ACVR2A: variants seen among roughly 807,000 people sequenced by gnomAD.
The protein encoded by ACVR2A is activin receptor type-2A.
Under a neutral mutation model 61.4 loss-of-function variants are expected in ACVR2A, and 7 were observed. That is an observed-to-expected ratio of 0.11 (90% CI 0.06 to 0.21). The LOEUF is 0.21. Ranked by LOEUF, ACVR2A falls within the 10% of genes least tolerant of loss-of-function variation. The pLI, the probability that ACVR2A is intolerant of heterozygous loss-of-function variation, is 1.00. For synonymous variants in ACVR2A, 193 were observed against 208.3 expected, an observed-to-expected ratio of 0.93 and a Z score of 0.63; for missense variants, 322 against 621.7, an observed-to-expected ratio of 0.52 and a Z score of 5.13.
At chr2:147,901,991 T>G (rs1686880767) in intron 4 of ACVR2A, among the ~76,000 whole-genome samples, 1 of 152,032 alleles carries the variant, frequency 6.6e-6, no homozygotes, top group Admixed American at 6.6e-5. Context: ...CATCAAGCAT[T>G]TATTGAGCAT....
chr2:147,917,228 G>C (rs3764955), intron 5 of ACVR2A, 55 bp from the exon 6 acceptor site: 462,239 of 1,541,212 alleles, frequency 0.3, 72,097 homozygotes, highest in East Asian at 0.45. Context: ...TCTTATGCAT[G>C]GTTTATTAAA....
rs888172134 is a variant in ACVR2A, at chr2:147,930,138, A to G, written c.*2864A>G. 6.6e-6 allele frequency: 1 copy of G among 152,480 alleles called. No individual in the cohort carries two copies. The highest frequency in any genetic ancestry group is 1.5e-5 in the Non-Finnish European group (1 of 67,994). 9.4% of individuals were successfully genotyped at this position (152,480 alleles called of 1,614,324 possible). A position where few individuals can be genotyped will look rare whatever the true frequency, so the allele number is the denominator to read the frequency against. On this transcript the variant is annotated 3_prime_UTR_variant, in exon 11 of 11. Transcript: ENST00000241416. The stretch of plus-strand genomic sequence containing the variant: ...TTAGTCCCATGAACTTGCACTATCT[A>G]TCTTTCATGGTGATGTTTTGAAAAT...
rs1231953490 is a variant in ACVR2A at position 147,875,318 on chromosome 2, A to G, written c.56-20983A>G. Among the ~76,000 whole-genome samples the G allele has an allele frequency of 2.0e-5, 3 of 152,144 alleles. No homozygotes were observed. The East Asian group carries it at 5.8e-4, about 29-fold the overall frequency. On this transcript the variant is annotated intron_variant, in intron 1 of 10. Coordinates refer to ENST00000241416, the MANE Select transcript of ACVR2A (RefSeq NM_001616.5). ...CAGAACAAAAAGCCACCCTACCGTG[A>G]GTGTACTTTATGGGGATAAAATACA...
Position 147,927,233 on chromosome 2 carries a change from G to T in ACVR2A, c.1501G>T (p.Val501Leu). The change falls in exon 11 of 11, where the codon GTG (valine) becomes TTG (leucine). Residue 501 changes from valine (V) to leucine (L), a missense_variant. Coordinates refer to ENST00000241416, the MANE Select transcript of ACVR2A (RefSeq NM_001616.5). Reference protein sequence around the residue: ...TEDIVTVVTMVTNVDFPPKES... With the variant: ...TEDIVTVVTMLTNVDFPPKES... ...GGACATTGTAACAGTGGTCACAATG[G>T]TGACAAATGTTGACTTTCCTCCCAA... The T allele has an allele frequency of 6.2e-7, 1 of 1,611,760 alleles. No homozygotes were observed. The highest frequency in any genetic ancestry group is 8.5e-7 in the Non-Finnish European group (1 of 1,178,592).
intron 1 of ACVR2A, among the ~76,000 whole-genome samples, chr2:147,881,901 T>G (rs1353736644): frequency 6.6e-6 from 1 of 152,096 alleles, no homozygotes; most frequent in Non-Finnish European, 1.5e-5. Flanking sequence ...CTCTAAAAAT[T>G]TTGTTAATAC....
intron 1 of ACVR2A, among the ~76,000 whole-genome samples, chr2:147,855,773 C>CG (rs1685555974): frequency 6.6e-6 from 1 of 151,462 alleles, no homozygotes; most frequent in Admixed American, 6.6e-5. Context: ...AATAATGAAA[C>CG]GCAGACTAGA....
chr2:147,870,073 TA>T (rs1685970726), intron 1 of ACVR2A, among the ~76,000 whole-genome samples: 1 of 130,596 alleles, frequency 7.7e-6, no homozygotes, highest in Non-Finnish European at 1.6e-5. Context: ...TGGGAGGACG[TA>T]TGAGGAGGGG....
At chr2:147,849,394 TTC>T (rs751711251) in intron 1 of ACVR2A, among the ~76,000 whole-genome samples, 2 of 152,166 alleles carry the variant, frequency 1.3e-5, no homozygotes, top group African/African-American at 2.4e-5. Context: ...AAGGTAGAAA[TTC>T]TGTTTTTTTA....
In ACVR2A at chr2:147,899,721, AT is replaced by A. The variant is rs143859034; in HGVS notation, c.374-18del. 7.5e-5 allele frequency: 121 copies of A among 1,610,432 alleles called. 2 individuals are homozygous for A. The highest frequency in any genetic ancestry group is 4.4e-4 in the African/African-American group (33 of 74,910). On this transcript the variant is annotated intron_variant, in intron 3 of 10. Transcript: ENST00000241416. Reference sequence around the variant, plus strand: ...GAATTTTGTAGACCAAATCTGAGTTATTTTTCCCCCCCTTTTCCACAGCCAC... The same window carrying A: ...GAATTTTGTAGACCAAATCTGAGTTATTTTCCCCCCCTTTTCCACAGCCAC...
chr2:147,863,105 G>C (rs1428349459), intron 1 of ACVR2A, among the ~76,000 whole-genome samples: 1 of 152,168 alleles, frequency 6.6e-6, no homozygotes, highest in Non-Finnish European at 1.5e-5. Context: ...ACTTAGGTCT[G>C]TAAGGCTTAC....
At chr2:147,885,821 A>G (rs1686417405) in intron 1 of ACVR2A, among the ~76,000 whole-genome samples, 1 of 152,176 alleles carries the variant, frequency 6.6e-6, no homozygotes, top group South Asian at 2.1e-4. Flanking sequence ...TCATAAGACT[A>G]AATTAATAAA....
chr2:147,926,670 C>G (rs748184298), intron 10 of ACVR2A, among the ~76,000 whole-genome samples: 2 of 151,762 alleles, frequency 1.3e-5, no homozygotes, highest in African/African-American at 2.4e-5. Context: ...AGAAACCTGG[C>G]TAAAACCAGG....
chr2:147,922,964 C>T lies in ACVR2A; in HGVS notation c.1078-9C>T, dbSNP rs775333124. On this transcript the variant is annotated splice_polypyrimidine_tract_variant and intron_variant, in intron 8 of 10. Coordinates refer to ENST00000241416, the MANE Select transcript of ACVR2A (RefSeq NM_001616.5). ...AATGAGTACTCTTTGCTTTTAACAT[C>T]TTTTTCAGGTTGGTACCCGGAGGTA... is the stretch of plus-strand genomic sequence containing the variant. 5 of 1,597,276 alleles carry T rather than the reference C, an allele frequency of 3.1e-6. No individual in the cohort carries two copies. In the South Asian group the frequency reaches 4.6e-5, roughly 15 times the overall value.
chr2:147,879,890 G>T (rs140167277), intron 1 of ACVR2A, among the ~76,000 whole-genome samples: 7 of 152,272 alleles, frequency 4.6e-5, no homozygotes, highest in African/African-American at 1.4e-4. Flanking sequence ...TAACCTTCCA[G>T]TGATACTCAC....
chr2:147,895,763 A>G (rs1281507097), intron 1 of ACVR2A, among the ~76,000 whole-genome samples: 1 of 152,208 alleles, frequency 6.6e-6, no homozygotes, highest in Non-Finnish European at 1.5e-5. Context: ...AATTTAGTAT[A>G]TAATATGTAT....
intron 8 of ACVR2A, among the ~76,000 whole-genome samples, chr2:147,921,436 C>T (rs1283349252): frequency 6.6e-6 from 1 of 152,192 alleles, no homozygotes; most frequent in Non-Finnish European, 1.5e-5. Flanking sequence ...CTTCATCTTT[C>T]ATATCATGTA....
chr2:147,891,174 C>T (rs1401806059), intron 1 of ACVR2A, among the ~76,000 whole-genome samples: 1 of 152,154 alleles, frequency 6.6e-6, no homozygotes, highest in African/African-American at 2.4e-5. Flanking sequence ...GCAGCCATTA[C>T]TAACGCTGAT....
intron 7 of ACVR2A, among the ~76,000 whole-genome samples, chr2:147,919,752 A>G (rs568647692): frequency 2.0e-5 from 3 of 152,166 alleles, no homozygotes; most frequent in Non-Finnish European, 4.4e-5. Flanking sequence ...CTTTTCTACA[A>G]CCAGGTGGAA....
chr2:147,908,681 T>G (rs1049865744), intron 4 of ACVR2A, among the ~76,000 whole-genome samples: 1 of 152,140 alleles, frequency 6.6e-6, no homozygotes, highest in Non-Finnish European at 1.5e-5. Flanking sequence ...GTAAAATTTC[T>G]TAGAATGTAA....
Sources: gnomAD v4.1 joint callset for allele counts (sites outside exome capture counted in the v4.1 genomes callset) on GRCh38, gnomAD v4.1.1 for gene constraint, MANE v1.5 for transcripts, NCBI Gene and HGNC (gene_info 2026-07-23, HGNC 2026-07-21) for gene names.